AP3B1: variants seen among roughly 807,000 people sequenced by gnomAD.
The protein encoded by AP3B1 is AP-3 complex subunit beta-1.
A neutral mutation model predicts 132.5 loss-of-function variants in AP3B1; 61 were observed. The observed-to-expected ratio is 0.46, with a 90% confidence interval of 0.37 to 0.57. AP3B1 has a LOEUF of 0.57. Ranked by LOEUF, AP3B1 falls within the 20% of genes least tolerant of loss-of-function variation. The probability of loss-of-function intolerance (pLI) is 0.00; values close to 1 mark genes in which losing one functional copy is unlikely to be tolerated. For missense variants in AP3B1, 1,120 were observed against 1,289.4 expected (o/e 0.87, Z 2.01); for synonymous variants, 388 against 438.3 (o/e 0.89, Z 1.43).
At chr5:78,145,753 C>T (rs901097353) in intron 14 of AP3B1, among the ~76,000 whole-genome samples, 2 of 152,202 alleles carry the variant, frequency 1.3e-5, no homozygotes, top group African/African-American at 4.8e-5. Context: ...CCAGGCCATC[C>T]TCTTGCCTGT....
chr5:78,050,299 G>A (rs1321873096), intron 22 of AP3B1, among the ~76,000 whole-genome samples: 1 of 151,956 alleles, frequency 6.6e-6, no homozygotes, highest in Non-Finnish European at 1.5e-5. Context: ...TTTTTGTTAT[G>A]TTTATTACCT....
At position 78,171,428 on chromosome 5, in the gene AP3B1, T is replaced by A. The variant is rs900184952; in HGVS notation, c.1167+4198A>T. Among the ~76,000 whole-genome samples, 7 of 152,184 alleles carry A rather than the reference T, an allele frequency of 4.6e-5. 1 individual carries two copies. Among genetic ancestry groups the A allele is most frequent in the Admixed American group, 3.3e-4 (5 of 15,270 alleles). On this transcript the variant is annotated intron_variant, in intron 11 of 26. Coordinates refer to ENST00000255194, the MANE Select transcript of AP3B1 (RefSeq NM_003664.5). ...TATTTCACTGAGCAGTGGTTTGTAG[T>A]TCTCCTTGAAGAGGTCCTTTACATC... is the stretch of plus-strand genomic sequence containing the variant.
intron 23 of AP3B1, among the ~76,000 whole-genome samples, chr5:78,038,798 A>G (rs970440609): frequency 3.3e-5 from 5 of 152,238 alleles, no homozygotes; most frequent in African/African-American, 1.2e-4. Flanking sequence ...CTGCAGACCT[A>G]GCCTTCCATC....
chr5:78,164,587 T>C (rs905196769), intron 12 of AP3B1, among the ~76,000 whole-genome samples: 1 of 152,102 alleles, frequency 6.6e-6, no homozygotes, highest in African/African-American at 2.4e-5. Flanking sequence ...GAAAATCAGA[T>C]TCAAGCAATG....
intron 2 of AP3B1, among the ~76,000 whole-genome samples, chr5:78,243,801 A>G (rs2112523533): frequency 6.6e-6 from 1 of 152,266 alleles, no homozygotes; most frequent in East Asian, 1.9e-4. Flanking sequence ...AAGTGAGGGG[A>G]AGAATGGTGA....
At chr5:78,267,365 T>A (rs1748365120) in intron 2 of AP3B1, among the ~76,000 whole-genome samples, 155 bp downstream of exon 2, 1 of 151,900 alleles carries the variant, frequency 6.6e-6, no homozygotes, top group Non-Finnish European at 1.5e-5. Flanking sequence ...ATGTACTTTT[T>A]TCTTTAACAT....
intron 7 of AP3B1, among the ~76,000 whole-genome samples, chr5:78,185,056 A>T (rs1744546435): frequency 1.3e-5 from 2 of 152,218 alleles, no homozygotes. Flanking sequence ...GGAGGACAGA[A>T]CACAGTAGAC....
intron 2 of AP3B1, among the ~76,000 whole-genome samples, chr5:78,260,053 TCATCA>T (rs1748019519): frequency 6.6e-6 from 1 of 151,992 alleles, no homozygotes; most frequent in African/African-American, 2.4e-5. Context: ...AATCTCATTG[TCATCA>T]CATCACATTT....
chr5:78,223,089 G>A (rs1367042767), intron 6 of AP3B1, among the ~76,000 whole-genome samples: 4 of 146,886 alleles, frequency 2.7e-5, no homozygotes, highest in Non-Finnish European at 6.0e-5. Flanking sequence ...CGAACTCCTG[G>A]ACTCAAGCAA....
At chr5:78,285,197 C>G (rs1009624582) in intron 1 of AP3B1, among the ~76,000 whole-genome samples, 1 of 150,950 alleles carries the variant, frequency 6.6e-6, no homozygotes, top group Non-Finnish European at 1.5e-5. Flanking sequence ...TGCAGTGAGT[C>G]GAGATCACGC....
At chr5:78,075,548 T>C (rs79088321) in intron 22 of AP3B1, among the ~76,000 whole-genome samples, 4,053 of 152,250 alleles carry the variant, frequency 0.027, 196 homozygotes, top group African/African-American at 0.093. Context: ...TTTTCGACAA[T>C]AGCAAAAATC....
chr5:78,088,797 C>A (rs1750374796), intron 22 of AP3B1, among the ~76,000 whole-genome samples: 1 of 152,164 alleles, frequency 6.6e-6, no homozygotes, highest in Non-Finnish European at 1.5e-5. Context: ...TATGCTAACA[C>A]AATAAACAGT....
intron 22 of AP3B1, among the ~76,000 whole-genome samples, chr5:78,050,441 G>C (rs958496661): frequency 6.6e-5 from 10 of 151,960 alleles, no homozygotes; most frequent in African/African-American, 2.4e-4. Context: ...TCTAGTGTTG[G>C]TCATAACTAT....
At chr5:78,110,776 G>A (rs962249423) in intron 19 of AP3B1, among the ~76,000 whole-genome samples, 3 of 145,152 alleles carry the variant, frequency 2.1e-5, no homozygotes, top group East Asian at 2.0e-4. Flanking sequence ...GTATATATAC[G>A]TATATATATA....
chr5:78,011,597 G>A (rs1423282969), intron 26 of AP3B1, among the ~76,000 whole-genome samples: 5 of 152,206 alleles, frequency 3.3e-5, no homozygotes, highest in South Asian at 4.2e-4. Context: ...AAACCTGTGC[G>A]CCTTTAATTG....
intron 26 of AP3B1, among the ~76,000 whole-genome samples, chr5:78,007,270 A>C (rs1341717358): frequency 6.6e-6 from 1 of 152,204 alleles, no homozygotes; most frequent in Non-Finnish European, 1.5e-5. Context: ...CATTTTTTAC[A>C]CAGAATCAGA....
chr5:78,255,356 C>T (rs929286404), intron 2 of AP3B1, among the ~76,000 whole-genome samples: 2 of 151,978 alleles, frequency 1.3e-5, no homozygotes, highest in Admixed American at 6.6e-5. Context: ...AAAAAACACA[C>T]TGTACCCATA....
At chr5:78,018,470 A>G (rs1231615836) in intron 25 of AP3B1, among the ~76,000 whole-genome samples, 1 of 148,688 alleles carries the variant, frequency 6.7e-6, no homozygotes, top group East Asian at 1.9e-4. Flanking sequence ...TTTATTTAAT[A>G]CTGTACACTT....
intron 19 of AP3B1, among the ~76,000 whole-genome samples, chr5:78,112,589 C>T (rs114423291): frequency 0.012 from 1,845 of 152,214 alleles, 35 homozygotes; most frequent in African/African-American, 0.042. Context: ...TTTTATAACT[C>T]GTATCATCAT....
Sources: gnomAD v4.1 joint callset for allele counts (sites outside exome capture counted in the v4.1 genomes callset) on GRCh38, gnomAD v4.1.1 for gene constraint, MANE v1.5 for transcripts, NCBI Gene and HGNC (gene_info 2026-07-23, HGNC 2026-07-21) for gene names.